PSG2: variants seen among roughly 807,000 people sequenced by gnomAD.
The protein encoded by PSG2 is pregnancy specific beta-1-glycoprotein 2.
Under a neutral mutation model 36.2 loss-of-function variants are expected in PSG2, and 49 were observed. That is an observed-to-expected ratio of 1.35 (90% CI 1.08 to 1.72). PSG2 has a LOEUF of 1.72. Among genes scored for constraint, PSG2 ranks in the 40% most tolerant of loss-of-function variants. PSG2 has a pLI of 0.00. For synonymous variants in PSG2, 261 were observed against 155.6 expected, an observed-to-expected ratio of 1.68 and a Z score of -5.04; for missense variants, 605 against 407.2, an observed-to-expected ratio of 1.49 and a Z score of -4.18.
chr19:43,067,281 G>T (rs1967753170), intron 4 of PSG2, among the ~76,000 whole-genome samples: 1 of 151,188 alleles, frequency 6.6e-6, no homozygotes, highest in Non-Finnish European at 1.5e-5. Flanking sequence ...TTCCCTCACA[G>T]ATGTCTTCCC....
intron 2 of PSG2, among the ~76,000 whole-genome samples, chr19:43,076,643 A>T (rs929987974): frequency 1.3e-5 from 2 of 151,462 alleles, no homozygotes; most frequent in Non-Finnish European, 2.9e-5. Context: ...TGAATCAGAG[A>T]GTAGAATAGT....
At chr19:43,069,380 G>A (rs1967785575) in intron 4 of PSG2, among the ~76,000 whole-genome samples, 1 of 151,622 alleles carries the variant, frequency 6.6e-6, no homozygotes, top group African/African-American at 2.4e-5. Context: ...AATTTATATT[G>A]CATCTCATGA....
chr19:43,070,255 T>C (rs1364493732), intron 4 of PSG2, among the ~76,000 whole-genome samples: 1 of 151,734 alleles, frequency 6.6e-6, no homozygotes, highest in Non-Finnish European at 1.5e-5. Flanking sequence ...CTGATGGGAA[T>C]GGGAAATGTT....
At chr19:43,067,423 A>T (rs561314089) in intron 4 of PSG2, among the ~76,000 whole-genome samples, 15 of 150,636 alleles carry the variant, frequency 1.0e-4, no homozygotes, top group African/African-American at 3.7e-4. Flanking sequence ...ACCATGTCCT[A>T]GTGTTTTATG....
chr19:43,072,705 A>G lies in PSG2; in HGVS notation c.710-751T>C, dbSNP rs1247334512. 1.2e-5 allele frequency: 19 copies of G among 1,576,908 alleles called. 1 individual carries two copies. The highest frequency in any genetic ancestry group is 2.7e-5 in the African/African-American group (2 of 73,616). On this transcript the variant is annotated intron_variant, in intron 3 of 5. Coordinates refer to ENST00000406487, the MANE Select transcript of PSG2 (RefSeq NM_031246.4). Reference sequence around the variant, plus strand: ...CCACAGGCATCCTTCAATCAGAGTTACCATCTCCCACCTCTCAGCCCACCT... The same window carrying G: ...CCACAGGCATCCTTCAATCAGAGTTGCCATCTCCCACCTCTCAGCCCACCT...
At chr19:43,079,236 G>T (rs117920508) in intron 2 of PSG2, among the ~76,000 whole-genome samples, 10 of 151,530 alleles carry the variant, frequency 6.6e-5, no homozygotes, top group East Asian at 1.9e-4. Flanking sequence ...CTACACTGAC[G>T]TCAGAGACCC....
chr19:43,078,513 A>G (rs1967928230), intron 2 of PSG2, among the ~76,000 whole-genome samples: 1 of 151,676 alleles, frequency 6.6e-6, no homozygotes, highest in Non-Finnish European at 1.5e-5. Flanking sequence ...GACCTCATCC[A>G]TACCTATGAT....
chr19:43,076,378 C>T (rs1225761425), intron 2 of PSG2, among the ~76,000 whole-genome samples: 1 of 151,760 alleles, frequency 6.6e-6, no homozygotes, highest in East Asian at 1.9e-4. Context: ...ACAATGCTCC[C>T]TTCCCCCTGT....
intron 4 of PSG2, among the ~76,000 whole-genome samples, chr19:43,071,139 C>G (rs1032410890): frequency 2.0e-5 from 3 of 151,394 alleles, no homozygotes; most frequent in African/African-American, 7.3e-5. Context: ...TCAGGACAGT[C>G]CACAAGGGGT....
At chr19:43,075,960 G>C (rs1022948452) in intron 2 of PSG2, among the ~76,000 whole-genome samples, 3 of 151,536 alleles carry the variant, frequency 2.0e-5, no homozygotes, top group African/African-American at 7.3e-5. Flanking sequence ...GGCCCACCTT[G>C]TGGTCCTCAC....
At chr19:43,078,715 A>C (rs1967931010) in intron 2 of PSG2, among the ~76,000 whole-genome samples, 1 of 151,250 alleles carries the variant, frequency 6.6e-6, no homozygotes, top group Non-Finnish European at 1.5e-5. Flanking sequence ...GTAATAATAA[A>C]CCTCTGTCCT....
At chr19:43,074,773 G>C (rs763651344) in intron 3 of PSG2, among the ~76,000 whole-genome samples, 91 of 151,834 alleles carry the variant, frequency 6.0e-4, no homozygotes, top group Admixed American at 3.7e-3. Context: ...CAGACATAGA[G>C]CCCTCTATAT....
chr19:43,082,275 G>T, intron 1 of PSG2: 3 of 580,152 alleles, frequency 5.2e-6, no homozygotes, highest in Non-Finnish European at 8.4e-6. Context: ...TGAGTAGCTG[G>T]AATTACAGGA....
chr19:43,068,710 G>A (rs1254572014), intron 4 of PSG2, among the ~76,000 whole-genome samples: 2 of 151,538 alleles, frequency 1.3e-5, no homozygotes, highest in East Asian at 1.9e-4. Context: ...AAGAATGGAA[G>A]GAAACCACTT....
intron 3 of PSG2, among the ~76,000 whole-genome samples, chr19:43,074,168 G>C (rs1967858999): frequency 6.6e-6 from 1 of 151,468 alleles, no homozygotes; most frequent in South Asian, 2.1e-4. Context: ...TGTTTCTGTT[G>C]TGGCAGTCAT....
chr19:43,080,528 C>T (rs892025362), intron 2 of PSG2, among the ~76,000 whole-genome samples: 1 of 151,684 alleles, frequency 6.6e-6, no homozygotes, highest in African/African-American at 2.4e-5. Context: ...CTGAGAGTAT[C>T]TCAGGGGACC....
Position 43,072,662 on chromosome 19 carries a change from G to A in PSG2, c.710-708C>T, listed in dbSNP as rs1291632919. On this transcript the variant is annotated intron_variant, in intron 3 of 5. Transcript: ENST00000406487. ...GATAACAGAGAGAAGATTGTCCTGT[G>A]TGGCACTTTTGATTCCTCCACAGGC... The A allele has an allele frequency of 4.4e-6, 7 of 1,606,112 alleles. No individual in the cohort carries two copies. In the East Asian group the frequency reaches 1.3e-4, roughly 31 times the overall value.
intron 3 of PSG2, among the ~76,000 whole-genome samples, chr19:43,073,225 T>C (rs1029590649): frequency 1.3e-5 from 2 of 151,790 alleles, no homozygotes; most frequent in African/African-American, 4.9e-5. Context: ...GTGGGGCAGC[T>C]TTTTGCAGGT....
intron 2 of PSG2, among the ~76,000 whole-genome samples, chr19:43,075,903 C>T (rs567701685): frequency 2.0e-4 from 31 of 151,650 alleles, no homozygotes; most frequent in Admixed American, 5.9e-4. Flanking sequence ...CCAGCAGTCA[C>T]AGCCCCTGGT....
Sources: allele counts gnomAD v4.1 joint callset (sites outside exome capture counted in the v4.1 genomes callset), GRCh38; gene constraint gnomAD v4.1.1; transcripts MANE v1.5; gene names NCBI Gene and HGNC (gene_info 2026-07-23, HGNC 2026-07-21).